Variants in HMCN1 observed in about 807,000 individuals in gnomAD.
HMCN1 encodes the protein hemicentin 1.
Under a neutral mutation model 625.9 loss-of-function variants are expected in HMCN1, and 321 were observed. The ratio of observed to expected loss-of-function variants is 0.51; its 90% confidence interval spans 0.47 to 0.56. The LOEUF (loss-of-function observed/expected upper bound fraction) is 0.56. Among genes scored for constraint, HMCN1 ranks in the 20% least tolerant of loss-of-function variants. The probability of loss-of-function intolerance (pLI) is 0.00; values close to 1 mark genes in which losing one functional copy is unlikely to be tolerated. For missense variants in HMCN1, 6,588 were observed against 6,887.3 expected (o/e 0.96, Z 1.54); for synonymous variants, 2,425 against 2,417.6 (o/e 1.00, Z -0.09).
chr1:185,997,445 A>G lies in HMCN1; in HGVS notation c.3795A>G (p.Glu1265=), dbSNP rs1284770905. 1 of 1,609,916 alleles carries G rather than the reference A, an allele frequency of 6.2e-7. No homozygotes were observed. ...TCCTAATAGAACCACCCACAGTGGAAGATCTAGAACCTCCATATAACACTA... is the reference window on the plus strand; with the variant it reads ...TCCTAATAGAACCACCCACAGTGGAGGATCTAGAACCTCCATATAACACTA... ...TLHVQEPPTV[E]DLEPPYNTTF... The change falls in exon 25 of 107, where the codon GAA becomes GAG. Residue 1265 remains glutamate, a synonymous_variant. Coordinates refer to ENST00000271588, the MANE Select transcript of HMCN1 (RefSeq NM_031935.3).
intron 2 of HMCN1, among the ~76,000 whole-genome samples, chr1:185,848,701 G>A (rs1237169982): frequency 1.3e-5 from 2 of 151,980 alleles, no homozygotes; most frequent in African/African-American, 4.8e-5. Context: ...TCTCCTCCTT[G>A]TTACCTTTGT....
intron 2 of HMCN1, among the ~76,000 whole-genome samples, chr1:185,858,441 T>G (rs1165102280): frequency 1.3e-5 from 2 of 151,738 alleles, no homozygotes; most frequent in African/African-American, 2.4e-5. Flanking sequence ...ATTTATTTAT[T>G]TTTTGAGACG....
chr1:185,762,248 A>G (rs1655559552), intron 1 of HMCN1, among the ~76,000 whole-genome samples: 1 of 152,160 alleles, frequency 6.6e-6, no homozygotes, highest in Non-Finnish European at 1.5e-5. Flanking sequence ...TAAGATCTCC[A>G]TATATTTTTT....
Position 186,137,499 on chromosome 1 carries a change from T to C in HMCN1, c.13584T>C (p.Val4528=). ...VLVRVPVIVQ[V]HGGFSQWSAW... Reference sequence around the variant, plus strand: ...CAAAGTACAATGTTTTATTTGCAGTTCATGGTGGATTTTCCCAGTGGTCTG... The same window carrying C: ...CAAAGTACAATGTTTTATTTGCAGTCCATGGTGGATTTTCCCAGTGGTCTG... Residue 4528 remains valine, a splice_region_variant and synonymous_variant, in exon 88 of 107, where the codon GTT becomes GTC. Transcript: ENST00000271588. 6.2e-7 allele frequency: 1 copy of C among 1,613,352 alleles called. No individual in the cohort carries two copies. The highest frequency in any genetic ancestry group is 8.5e-7 in the Non-Finnish European group (1 of 1,179,732).
intron 4 of HMCN1, among the ~76,000 whole-genome samples, chr1:185,902,408 T>C (rs1160745472): frequency 2.5e-5 from 2 of 80,182 alleles, no homozygotes; most frequent in East Asian, 2.8e-4. Flanking sequence ...TATCTATCTC[T>C]ATCTATCTAT....
At chr1:185,956,060 T>G (rs1649605463) in intron 11 of HMCN1, among the ~76,000 whole-genome samples, 1 of 152,208 alleles carries the variant, frequency 6.6e-6, no homozygotes, top group African/African-American at 2.4e-5. Context: ...TTGCACTTAA[T>G]CACGTGTTTA....
At chr1:186,122,832 A>C in intron 80 of HMCN1, 119 bp from the exon 81 acceptor site, 1 of 1,054,708 alleles carries the variant, frequency 9.5e-7, no homozygotes, top group Non-Finnish European at 1.4e-6. Context: ...TTCTAATGAT[A>C]TGGTGAAGTC....
chr1:185,840,873 G>A (rs1373050254), intron 1 of HMCN1, among the ~76,000 whole-genome samples: 1 of 151,996 alleles, frequency 6.6e-6, no homozygotes, highest in African/African-American at 2.4e-5. Flanking sequence ...AAAGAACAAA[G>A]AAATTGGGAA....
rs760267580 is a variant in HMCN1, at chr1:186,039,827, T to C, written c.6128T>C (p.Leu2043Pro). ...GCCAGAGGTATTCCTGCCCCAAGTCTGACCTGGTTGAAAGATGGGAGTCCT... is the reference window on the plus strand; with the variant it reads ...GCCAGAGGTATTCCTGCCCCAAGTCCGACCTGGTTGAAAGATGGGAGTCCT... ...CEARGIPAPS[L>P]TWLKDGSPVS... The change falls in exon 39 of 107, where the codon CTG becomes CCG. Residue 2043 changes from leucine to proline, a missense_variant. Around this residue, in one of 3 missense-constraint regions of HMCN1, gnomAD observed 4,628 missense variants for 4,853.1 expected, o/e 0.95. Coordinates refer to ENST00000271588, the MANE Select transcript of HMCN1 (RefSeq NM_031935.3). 1 of 1,613,538 alleles carries C rather than the reference T, an allele frequency of 6.2e-7. No homozygotes were observed. Among genetic ancestry groups the C allele is most frequent in the Non-Finnish European group, 8.5e-7 (1 of 1,179,612 alleles).
At chr1:186,159,477 A>G (rs1243928846) in intron 97 of HMCN1, among the ~76,000 whole-genome samples, 2 of 152,096 alleles carry the variant, frequency 1.3e-5, no homozygotes, top group Non-Finnish European at 2.9e-5. Flanking sequence ...GTGGTGAGAG[A>G]GGGCATCCCT....
intron 1 of HMCN1, among the ~76,000 whole-genome samples, chr1:185,820,818 C>T (rs941019316): frequency 4.6e-5 from 7 of 152,008 alleles, no homozygotes; most frequent in African/African-American, 1.4e-4. Flanking sequence ...GTCTGCAAAG[C>T]GCTTGCCATA....
chr1:185,754,687 A>G (rs1303726792), intron 1 of HMCN1, among the ~76,000 whole-genome samples: 2 of 152,106 alleles, frequency 1.3e-5, no homozygotes, highest in Non-Finnish European at 2.9e-5. Context: ...CCATCTCTTT[A>G]AAAAATACAA....
intron 36 of HMCN1, among the ~76,000 whole-genome samples, chr1:186,029,610 T>G (rs939264364): frequency 6.6e-6 from 1 of 151,934 alleles, no homozygotes; most frequent in African/African-American, 2.4e-5. Context: ...TAATTAGATC[T>G]TCTCGCTTTT....
intron 19 of HMCN1, 147 bp from the exon 20 acceptor site, chr1:185,987,285 A>G (rs1652066386): frequency 2.9e-6 from 2 of 688,422 alleles, no homozygotes; most frequent in Non-Finnish European, 5.3e-6. Flanking sequence ...TCCTTTACAG[A>G]GATTATCCTA....
chr1:186,033,901 GTT>G (rs1419705976), intron 36 of HMCN1, among the ~76,000 whole-genome samples: 6 of 151,610 alleles, frequency 4.0e-5, no homozygotes, highest in Non-Finnish European at 8.8e-5. Flanking sequence ...TTTGTTGCTG[GTT>G]TTCATCGTTG....
chr1:185,857,167 A>AT (rs1558018941), intron 2 of HMCN1, among the ~76,000 whole-genome samples: 1 of 152,150 alleles, frequency 6.6e-6, no homozygotes, highest in African/African-American at 2.4e-5. Context: ...TTTTAAAAAT[A>AT]TTTTTTATTC....
chr1:186,136,521 TTATAATC>T lies in HMCN1; in HGVS notation c.13313-138_13313-132del, dbSNP rs1000851548. Reference sequence around the variant, plus strand: ...ATTATGAAAATTGTATTAATGGCAATTATAATCTATAATCTTAGTTGGGAAGCAACAG... The same window carrying T: ...ATTATGAAAATTGTATTAATGGCAATTATAATCTTAGTTGGGAAGCAACAG... On this transcript the variant is annotated intron_variant, in intron 86 of 106. Transcript: ENST00000271588. The T allele has an allele frequency of 5.6e-5, 41 of 732,168 alleles. No individual in the cohort carries two copies. The African/African-American group carries it at 6.3e-4, about 11-fold the overall frequency. The allele number at this position is 732,168 out of a possible 1,614,324, so 45.4% of individuals were successfully genotyped here.
chr1:186,052,823 T>C, intron 42 of HMCN1, 129 bp from the exon 43 acceptor site: 1 of 781,196 alleles, frequency 1.3e-6, no homozygotes. Flanking sequence ...TAATTTGATG[T>C]TGATGTCAAC....
At chr1:186,093,281 T>G in intron 65 of HMCN1, 23 bp downstream of exon 65, 1 of 1,613,122 alleles carries the variant, frequency 6.2e-7, no homozygotes, top group Non-Finnish European at 8.5e-7. Flanking sequence ...TATCCCCCTC[T>G]TTTGATGATG....
Sources: gnomAD v4.1 joint callset for allele counts (sites outside exome capture counted in the v4.1 genomes callset) on GRCh38, gnomAD v4.1.1 for gene constraint, gnomAD v4.1.1 regional missense constraint, MANE v1.5 for transcripts, NCBI Gene and HGNC (gene_info 2026-07-23, HGNC 2026-07-21) for gene names.